The following SPEF2 variants were observed in gnomAD, a reference collection of about 807,000 sequenced individuals.
The protein encoded by SPEF2 is sperm flagella and cilia-associated protein 2.
Under a neutral mutation model 224.6 loss-of-function variants are expected in SPEF2, and 187 were observed. That is an observed-to-expected ratio of 0.83 (90% CI 0.74 to 0.94). The LOEUF (loss-of-function observed/expected upper bound fraction) is 0.94, where lower values mean the gene tolerates loss of function less well. SPEF2 is among the 40% of genes least tolerant of loss of function. The pLI is 0.00. For missense variants in SPEF2, 2,170 were observed against 2,135.6 expected (o/e 1.02, Z -0.32); for synonymous variants, 715 against 707.3 (o/e 1.01, Z -0.17).
chr5:35,688,101 C>G (rs1285615029), intron 10 of SPEF2, among the ~76,000 whole-genome samples: 1 of 152,154 alleles, frequency 6.6e-6, no homozygotes, highest in Non-Finnish European at 1.5e-5. Context: ...TCACCGGAAC[C>G]ATCATAGCAA....
intron 2 of SPEF2, among the ~76,000 whole-genome samples, chr5:35,629,071 T>TA (rs1376372448): frequency 6.6e-6 from 1 of 151,984 alleles, no homozygotes; most frequent in Non-Finnish European, 1.5e-5. Flanking sequence ...GAGAGATTGT[T>TA]ATATGGTTGC....
rs550178866 is a variant in SPEF2, at chr5:35,661,254, T to TTATATATA, written c.1167+2085_1167+2092dup. Reference sequence around the variant, plus strand: ...AAGGAGGTTTTTTTTTTGGTATATATTATATATATATATATATATATATAT... The same window carrying TTATATATA: ...AAGGAGGTTTTTTTTTTGGTATATATTATATATATATATATATATATATATATATATAT... On this transcript the variant is annotated intron_variant, in intron 8 of 36. Transcript: ENST00000356031. Among the ~76,000 whole-genome samples, 522 of 93,670 alleles carry TTATATATA rather than the reference T, an allele frequency of 5.6e-3. 1 individual carries two copies. Among genetic ancestry groups the TTATATATA allele is most frequent in the Non-Finnish European group, 8.0e-3 (363 of 45,512 alleles). 61.5% of individuals were successfully genotyped at this position (93,670 alleles called of 152,430 possible).
At chr5:35,713,460 G>A (rs1476299980) in intron 20 of SPEF2, among the ~76,000 whole-genome samples, 2 of 151,888 alleles carry the variant, frequency 1.3e-5, no homozygotes, top group Non-Finnish European at 2.9e-5. Context: ...CTGGAGCTGG[G>A]CGCAGTGGCT....
At chr5:35,684,622 T>C (rs1437323287) in intron 10 of SPEF2, among the ~76,000 whole-genome samples, 1 of 152,210 alleles carries the variant, frequency 6.6e-6, no homozygotes, top group Non-Finnish European at 1.5e-5. Flanking sequence ...AGAGGTTACA[T>C]AGGCTCCTCA....
At chr5:35,666,293 A>G (rs1179422137) in intron 8 of SPEF2, among the ~76,000 whole-genome samples, 1 of 152,146 alleles carries the variant, frequency 6.6e-6, no homozygotes, top group Admixed American at 6.6e-5. Context: ...GAAAAGCAAT[A>G]TTTGGTCATT....
chr5:35,646,555 C>A, intron 4 of SPEF2, 112 bp from the exon 5 acceptor site: 1 of 1,039,882 alleles, frequency 9.6e-7, no homozygotes, highest in Non-Finnish European at 1.4e-6. Context: ...TGGCTAATTG[C>A]TGGGTTCTGA....
intron 10 of SPEF2, among the ~76,000 whole-genome samples, chr5:35,687,425 A>AT (rs113342161): frequency 0.098 from 14,225 of 145,686 alleles, 971 homozygotes; most frequent in African/African-American, 0.19. Flanking sequence ...TTTTTAATGG[A>AT]TTTTTTTTTT....
intron 30 of SPEF2, among the ~76,000 whole-genome samples, chr5:35,784,466 G>A (rs946671508): frequency 4.3e-4 from 66 of 152,198 alleles, no homozygotes; most frequent in African/African-American, 1.6e-3. Context: ...AGAGACAGAG[G>A]GTACACATTC....
intron 14 of SPEF2, among the ~76,000 whole-genome samples, chr5:35,696,320 T>C (rs577911186): frequency 2.8e-4 from 43 of 152,298 alleles, no homozygotes; most frequent in African/African-American, 9.6e-4. Flanking sequence ...ATTATGCATC[T>C]CATCATGAAA....
chr5:35,789,391 G>T (rs1755638395), intron 30 of SPEF2: 2 of 702,718 alleles, frequency 2.8e-6, no homozygotes, highest in South Asian at 1.5e-5. Context: ...AGGTTGGGAT[G>T]ATCTGAGGTC....
At chr5:35,629,767 A>G (rs1744822752) in intron 2 of SPEF2, among the ~76,000 whole-genome samples, 2 of 152,166 alleles carry the variant, frequency 1.3e-5, no homozygotes, top group South Asian at 4.2e-4. Flanking sequence ...TGCCTATTCT[A>G]CACATTTTAT....
chr5:35,700,252 T>A, intron 15 of SPEF2: 1 of 515,872 alleles, frequency 1.9e-6, no homozygotes, highest in Non-Finnish European at 3.4e-6. Context: ...GTGTGGCCAG[T>A]TAATTTTAAT....
rs1284133524 is a variant in SPEF2 at position 35,697,860 on chromosome 5, G to GT, written c.2141+67_2141+68insT. ...TCTTTATCACACAAAGATGTATAAA[G>GT]AATAATACGGATTTTTTGTTGTAAT... On this transcript the variant is annotated intron_variant, in intron 15 of 36. Transcript: ENST00000356031. 14 of 1,154,310 alleles carry GT rather than the reference G, an allele frequency of 1.2e-5. No individual in the cohort carries two copies. The East Asian group carries it at 3.6e-4, about 29-fold the overall frequency. 71.5% of individuals were successfully genotyped at this position (1,154,310 alleles called of 1,614,324 possible).
intron 27 of SPEF2, among the ~76,000 whole-genome samples, chr5:35,773,422 T>C (rs967294413): frequency 1.3e-5 from 2 of 152,118 alleles, no homozygotes; most frequent in Non-Finnish European, 2.9e-5. Flanking sequence ...TTCTTGACAA[T>C]CACCCGCATT....
Position 35,727,796 on chromosome 5 carries a change from G to T in SPEF2, c.3036G>T (p.Trp1012Cys), listed in dbSNP as rs775017946. Residue 1012 changes from tryptophan (W) to cysteine (C), a missense_variant, in exon 21 of 37, where the codon TGG becomes TGT. Transcript: ENST00000356031. ...CACCTAAGCCAGGATCAGAAGAATG[G>T]GTCTATGTGAATGAACCAGTTCCTG... ...PQPPKPGSEE[W>C]VYVNEPVPEE... The T allele has an allele frequency of 8.1e-6, 13 of 1,613,336 alleles. No homozygotes were observed. Among genetic ancestry groups the T allele is most frequent in the Non-Finnish European group, 7.6e-6 (9 of 1,179,752 alleles).
At chr5:35,712,996 C>A in intron 20 of SPEF2, 110 bp downstream of exon 20, 1 of 987,206 alleles carries the variant, frequency 1.0e-6, no homozygotes, top group Non-Finnish European at 1.5e-6. Flanking sequence ...TTCTCTCAGG[C>A]ATTTGTAAAT....
rs430828 is a variant in SPEF2, at chr5:35,628,718, A to G, written c.161+156A>G. 0.12 allele frequency among the ~76,000 whole-genome samples: 17,849 copies of G among 151,990 alleles called. 2,332 individuals carry two copies. The highest frequency in any genetic ancestry group is 0.33 in the African/African-American group (13,473 of 41,366). On this transcript the variant is annotated intron_variant, in intron 2 of 36. Coordinates refer to ENST00000356031, the MANE Select transcript of SPEF2 (RefSeq NM_024867.4). The stretch of plus-strand genomic sequence containing the variant: ...GCAATCCTCTTGCCTCGGCTTCCCA[A>G]ATAGGTGGGACTACAGGTGCATGCC...
chr5:35,748,404 A>T (rs1016824619), intron 23 of SPEF2, among the ~76,000 whole-genome samples: 4 of 152,156 alleles, frequency 2.6e-5, no homozygotes, highest in Non-Finnish European at 5.9e-5. Flanking sequence ...GTTCTTTGAA[A>T]ATAAAATTGA....
chr5:35,672,601 A>G (rs1357401540), intron 10 of SPEF2, among the ~76,000 whole-genome samples: 1 of 151,984 alleles, frequency 6.6e-6, no homozygotes, highest in Non-Finnish European at 1.5e-5. Context: ...AAGATCTAAA[A>G]ATAAAGAATG....
Sources: allele counts gnomAD v4.1 joint callset (sites outside exome capture counted in the v4.1 genomes callset), GRCh38; gene constraint gnomAD v4.1.1; transcripts MANE v1.5; gene names NCBI Gene and HGNC (gene_info 2026-07-23, HGNC 2026-07-21).